VWA8: variants seen among roughly 807,000 people sequenced by gnomAD.
The protein encoded by VWA8 is von Willebrand factor A domain-containing protein 8.
VWA8 carries 221 observed loss-of-function variants against 241.5 expected under a neutral mutation model. That is an observed-to-expected ratio of 0.91 (90% CI 0.82 to 1.02). The LOEUF (loss-of-function observed/expected upper bound fraction) is 1.02. VWA8 is among the 50% of genes least tolerant of loss of function. The probability of loss-of-function intolerance (pLI) is 0.00; values close to 1 mark genes in which losing one functional copy is unlikely to be tolerated. For missense variants in VWA8, 2,322 were observed against 2,328.7 expected (o/e 1.00, Z 0.06); for synonymous variants, 852 against 827.1 (o/e 1.03, Z -0.52).
At chr13:41,788,794 T>A (rs1869321696) in intron 17 of VWA8, among the ~76,000 whole-genome samples, 1 of 152,184 alleles carries the variant, frequency 6.6e-6, no homozygotes, top group African/African-American at 2.4e-5. Context: ...TATTACTTCC[T>A]GTCAGAACAC....
chr13:41,844,735 G>C (rs1229925963), intron 12 of VWA8, among the ~76,000 whole-genome samples: 1 of 151,440 alleles, frequency 6.6e-6, no homozygotes, highest in Non-Finnish European at 1.5e-5. Context: ...AACATCTAAT[G>C]TATACACCAA....
At chr13:41,622,527 C>T (rs1014582889) in intron 37 of VWA8, among the ~76,000 whole-genome samples, 1 of 152,132 alleles carries the variant, frequency 6.6e-6, no homozygotes, top group African/African-American at 2.4e-5. Context: ...TATTATGGCC[C>T]CTTATAACTT....
intron 37 of VWA8, among the ~76,000 whole-genome samples, chr13:41,644,397 C>T (rs551086444): frequency 2.0e-4 from 31 of 152,194 alleles, no homozygotes; most frequent in Non-Finnish European, 4.1e-4. Flanking sequence ...CCTTGAATAA[C>T]ATTTTGTTCA....
At chr13:41,722,260 T>A (rs1399236305) in intron 24 of VWA8, among the ~76,000 whole-genome samples, 1 of 152,124 alleles carries the variant, frequency 6.6e-6, no homozygotes. Context: ...AGAAAAGGAA[T>A]GTAGAAACAT....
chr13:41,685,300 C>A, intron 34 of VWA8, 58 bp from the exon 35 acceptor site: 2 of 1,491,436 alleles, frequency 1.3e-6, no homozygotes, highest in South Asian at 2.5e-5. Context: ...TCACCACAAC[C>A]TTAACAACGC....
At chr13:41,843,226 C>T (rs1872136845) in intron 12 of VWA8, among the ~76,000 whole-genome samples, 1 of 152,000 alleles carries the variant, frequency 6.6e-6, no homozygotes, top group Non-Finnish European at 1.5e-5. Flanking sequence ...GACTAAAACC[C>T]CAGCATATAC....
chr13:41,573,260 AAAC>A (rs2044322467), intron 43 of VWA8, among the ~76,000 whole-genome samples: 1 of 151,052 alleles, frequency 6.6e-6, no homozygotes, highest in Admixed American at 6.6e-5. Context: ...ATACAAAACA[AAAC>A]AAAAATTGGC....
intron 17 of VWA8, among the ~76,000 whole-genome samples, chr13:41,791,253 T>C (rs1220386372): frequency 2.0e-5 from 3 of 151,896 alleles, no homozygotes; most frequent in Non-Finnish European, 3.0e-5. Flanking sequence ...AGATGATGCA[T>C]AAACAAAATA....
chr13:41,923,748 C>A (rs752137920), intron 2 of VWA8, among the ~76,000 whole-genome samples: 1 of 152,036 alleles, frequency 6.6e-6, no homozygotes, highest in Non-Finnish European at 1.5e-5. Context: ...ATCACTGACA[C>A]AAACTCCTGC....
At chr13:41,590,946 C>T (rs575587700) in intron 40 of VWA8, among the ~76,000 whole-genome samples, 181 bp from the exon 41 acceptor site, 2 of 152,216 alleles carry the variant, frequency 1.3e-5, no homozygotes, top group Admixed American at 6.5e-5. Flanking sequence ...GCCCTTTGTC[C>T]GTTTTAATTC....
At chr13:41,660,314 C>G (rs978345628) in intron 37 of VWA8, among the ~76,000 whole-genome samples, 1 of 152,092 alleles carries the variant, frequency 6.6e-6, no homozygotes. Context: ...TGGGGTTTCT[C>G]CATGTTGCCC....
intron 12 of VWA8, among the ~76,000 whole-genome samples, chr13:41,842,350 C>T (rs1182816554): frequency 6.6e-6 from 1 of 152,192 alleles, no homozygotes; most frequent in Non-Finnish European, 1.5e-5. Flanking sequence ...CCATCCTTCT[C>T]CCTCAAGTTC....
rs1875788907 is a variant in VWA8 at position 41,907,675 on chromosome 13, C to T, written c.394G>A (p.Glu132Lys). The change falls in exon 4 of 45, where the codon GAA becomes AAA. Residue 132 changes from glutamate (E) to lysine (K), a missense_variant. Glu to Lys is a moderately conservative substitution (Grantham distance 56). Coordinates refer to ENST00000379310, the MANE Select transcript of VWA8 (RefSeq NM_015058.2). ...GTGTCCCTTGACAGGGCAATGTATT[C>T]GACCTCCCGTTTGGTCAGCTCCTGT... is the stretch of plus-strand genomic sequence containing the variant. ...QYLELTKREV[E>K]YIALSRDTTE... 3.7e-6 allele frequency: 6 copies of T among 1,614,086 alleles called. No homozygotes were observed. The highest frequency in any genetic ancestry group is 5.1e-6 in the Non-Finnish European group (6 of 1,179,968).
intron 26 of VWA8, among the ~76,000 whole-genome samples, chr13:41,709,144 A>G (rs374473727): frequency 3.9e-5 from 6 of 152,222 alleles, no homozygotes; most frequent in African/African-American, 1.4e-4. Context: ...TGAAAACTCT[A>G]CTATGAATAT....
At chr13:41,696,711 A>G (rs372519090) in intron 29 of VWA8, among the ~76,000 whole-genome samples, 6 of 152,192 alleles carry the variant, frequency 3.9e-5, no homozygotes, top group African/African-American at 1.4e-4. Flanking sequence ...TTATGTCATC[A>G]GCATTTAACA....
chr13:41,613,595 G>T (rs1355416953), intron 38 of VWA8, among the ~76,000 whole-genome samples: 1 of 152,156 alleles, frequency 6.6e-6, no homozygotes, highest in Admixed American at 6.5e-5. Context: ...TGAGTCGCAG[G>T]GCCCCAGGCA....
chr13:41,740,697 C>T (rs1019296603), intron 21 of VWA8, among the ~76,000 whole-genome samples: 3 of 152,078 alleles, frequency 2.0e-5, no homozygotes, highest in African/African-American at 7.2e-5. Flanking sequence ...AGCAATGGCA[C>T]CTTTTAGAGA....
At chr13:41,718,425 T>C (rs1359731453) in intron 26 of VWA8, among the ~76,000 whole-genome samples, 1 of 151,866 alleles carries the variant, frequency 6.6e-6, no homozygotes, top group Non-Finnish European at 1.5e-5. Flanking sequence ...TAAAATAGCA[T>C]TGTGCCAAAA....
At chr13:41,616,080 G>C (rs2044618714) in intron 37 of VWA8, among the ~76,000 whole-genome samples, 1 of 152,218 alleles carries the variant, frequency 6.6e-6, no homozygotes, top group Non-Finnish European at 1.5e-5. Context: ...TGGAACAAGA[G>C]AGCTTACAAA....
Sources: allele counts gnomAD v4.1 joint callset (sites outside exome capture counted in the v4.1 genomes callset), GRCh38; gene constraint gnomAD v4.1.1; transcripts MANE v1.5; gene names NCBI Gene and HGNC (gene_info 2026-07-23, HGNC 2026-07-21).